Variants in ERBIN observed in about 807,000 individuals in gnomAD.
ERBIN encodes the protein erbb2 interacting protein.
Under a neutral mutation model 158.4 loss-of-function variants are expected in ERBIN, and 60 were observed. The ratio of observed to expected loss-of-function variants is 0.38; its 90% confidence interval spans 0.31 to 0.47. The LOEUF (loss-of-function observed/expected upper bound fraction) is 0.47. ERBIN is among the 20% of genes least tolerant of loss of function. ERBIN has a pLI of 0.99. For synonymous variants in ERBIN, 594 were observed against 557.2 expected (o/e 1.07, Z -0.93); for missense variants, 1,610 against 1,648.0 (o/e 0.98, Z 0.40).
chr5:66,073,997 G>A (rs544246746), intron 22 of ERBIN, among the ~76,000 whole-genome samples: 1 of 150,738 alleles, frequency 6.6e-6, no homozygotes, highest in Non-Finnish European at 1.5e-5. Context: ...TCCTACTTGA[G>A]CCTCCCAAGG....
chr5:65,932,226 C>T (rs905663544), intron 1 of ERBIN, among the ~76,000 whole-genome samples: 3 of 151,506 alleles, frequency 2.0e-5, no homozygotes, highest in Non-Finnish European at 4.4e-5. Context: ...GTAATCCCAG[C>T]TACTCAGGAG....
chr5:66,065,147 C>T (rs1183428434), intron 21 of ERBIN, among the ~76,000 whole-genome samples: 1 of 152,096 alleles, frequency 6.6e-6, no homozygotes, highest in African/African-American at 2.4e-5. Flanking sequence ...TAACATGGAA[C>T]ACAATACGAT....
chr5:65,959,149 A>T (rs554166978), intron 1 of ERBIN, among the ~76,000 whole-genome samples: 1 of 152,232 alleles, frequency 6.6e-6, no homozygotes, highest in South Asian at 2.1e-4. Flanking sequence ...GCGATAATAG[A>T]TGTGTCTATA....
At chr5:66,025,621 C>G in intron 11 of ERBIN, 69 bp downstream of exon 11, 1 of 1,198,888 alleles carries the variant, frequency 8.3e-7, no homozygotes, top group African/African-American at 1.5e-5. Context: ...TACATATTTT[C>G]AGGTATTTGC....
intron 21 of ERBIN, among the ~76,000 whole-genome samples, chr5:66,070,750 C>T (rs1166257355): frequency 6.6e-6 from 1 of 152,140 alleles, no homozygotes; most frequent in Non-Finnish European, 1.5e-5. Flanking sequence ...TCTAAAAATT[C>T]TAAGCCATGG....
intron 1 of ERBIN, among the ~76,000 whole-genome samples, chr5:65,963,989 C>T (rs989629803): frequency 2.0e-5 from 3 of 151,888 alleles, no homozygotes; most frequent in Non-Finnish European, 2.9e-5. Flanking sequence ...TTAGTAGAGA[C>T]GGGGTTTCAC....
chr5:65,941,710 T>A (rs1272474953), intron 1 of ERBIN, among the ~76,000 whole-genome samples: 1 of 152,174 alleles, frequency 6.6e-6, no homozygotes, highest in African/African-American at 2.4e-5. Context: ...TTTTGTCCCA[T>A]GTGTTTCATA....
chr5:66,046,559 T>C, intron 18 of ERBIN, 21 bp downstream of exon 18: 1 of 1,529,030 alleles, frequency 6.5e-7, no homozygotes, highest in Non-Finnish European at 8.8e-7. Flanking sequence ...ATGATTATTC[T>C]GGAGCAACTA....
chr5:65,963,642 A>G (rs1748180645), intron 1 of ERBIN, among the ~76,000 whole-genome samples: 1 of 152,178 alleles, frequency 6.6e-6, no homozygotes, highest in African/African-American at 2.4e-5. Flanking sequence ...TTTACATGAA[A>G]TTCTTAGGGA....
intron 4 of ERBIN, among the ~76,000 whole-genome samples, chr5:66,003,948 T>TA (rs58288958): frequency 1.6e-4 from 18 of 112,940 alleles, no homozygotes; most frequent in Non-Finnish European, 2.3e-4. Flanking sequence ...TTTTTTTTTT[T>TA]ATAAGAGGCG....
At chr5:66,030,060 CAG>C (rs1246323849) in intron 14 of ERBIN, among the ~76,000 whole-genome samples, 1 of 151,922 alleles carries the variant, frequency 6.6e-6, no homozygotes, top group Admixed American at 6.6e-5. Context: ...TGTTTTTTGA[CAG>C]AGTCTTGCTC....
At chr5:66,055,419 G>C (rs1253646102) in intron 21 of ERBIN, among the ~76,000 whole-genome samples, 1 of 152,086 alleles carries the variant, frequency 6.6e-6, no homozygotes, top group Non-Finnish European at 1.5e-5. Context: ...GACACAGATG[G>C]CTTCTGGCAT....
intron 14 of ERBIN, among the ~76,000 whole-genome samples, chr5:66,032,010 C>G (rs904491435): frequency 1.3e-5 from 2 of 151,644 alleles, no homozygotes; most frequent in East Asian, 3.9e-4. Flanking sequence ...ACCAACTAGA[C>G]ATAAGATTTA....
intron 14 of ERBIN, among the ~76,000 whole-genome samples, chr5:66,031,530 A>C (rs879790765): frequency 1.4e-4 from 22 of 152,230 alleles, no homozygotes; most frequent in Non-Finnish European, 2.6e-4. Flanking sequence ...TGCCTGAATT[A>C]TCTCTCAAAA....
At chr5:66,024,598 T>C (rs879481254) in intron 10 of ERBIN, 148 bp downstream of exon 10, 7 of 683,608 alleles carry the variant, frequency 1.0e-5, no homozygotes, top group Non-Finnish European at 1.6e-5. Context: ...TGATCAGTTG[T>C]ACAGTTTGCT....
chr5:65,946,466 T>C (rs907615751), intron 1 of ERBIN, among the ~76,000 whole-genome samples: 2 of 152,230 alleles, frequency 1.3e-5, no homozygotes, highest in African/African-American at 4.8e-5. Context: ...CTTATAGCTA[T>C]AATTTGTTCA....
At chr5:66,072,434 A>G (rs552489100) in intron 22 of ERBIN, 143 bp downstream of exon 22, 3 of 802,272 alleles carry the variant, frequency 3.7e-6, no homozygotes, top group Non-Finnish European at 5.5e-6. Flanking sequence ...TTAAAATATC[A>G]GAAATACAAA....
chr5:66,062,854 G>A lies in ERBIN; in HGVS notation c.3633+7903G>A, dbSNP rs556075778. Among the ~76,000 whole-genome samples, 30 of 152,234 alleles carry A rather than the reference G, an allele frequency of 2.0e-4. No homozygotes were observed. The South Asian group carries it at 2.5e-3, about 13-fold the overall frequency. ...TCAGCAGCACTGGCTGCAGAACAGC[G>A]GATATTGGTGAACCGCAAATGCTGC... On this transcript the variant is annotated intron_variant, in intron 21 of 25. Transcript: ENST00000284037.
At chr5:65,996,829 A>G (rs373678624) in intron 4 of ERBIN, among the ~76,000 whole-genome samples, 5 of 152,118 alleles carry the variant, frequency 3.3e-5, no homozygotes, top group African/African-American at 1.2e-4. Flanking sequence ...TTTTCAGTGT[A>G]TATGTCTTTT....
Sources: gnomAD v4.1 joint callset for allele counts (sites outside exome capture counted in the v4.1 genomes callset) on GRCh38, gnomAD v4.1.1 for gene constraint, MANE v1.5 for transcripts, NCBI Gene and HGNC (gene_info 2026-07-23, HGNC 2026-07-21) for gene names.